DLGAP1: variants seen among roughly 807,000 people sequenced by gnomAD.
The protein encoded by DLGAP1 is disks large-associated protein 1.
DLGAP1 carries 11 observed loss-of-function variants against 90.8 expected under a neutral mutation model. The observed-to-expected ratio is 0.12, with a 90% confidence interval of 0.08 to 0.20. The LOEUF (loss-of-function observed/expected upper bound fraction) is 0.20. Among genes scored for constraint, DLGAP1 ranks in the 10% least tolerant of loss-of-function variants. The probability of loss-of-function intolerance (pLI) is 1.00; values close to 1 mark genes in which losing one functional copy is unlikely to be tolerated. For synonymous variants in DLGAP1, 558 were observed against 540.7 expected (o/e 1.03, Z -0.44); for missense variants, 1,050 against 1,333.8 (o/e 0.79, Z 3.31).
At chr18:3,567,017 G>A (rs2054465304) in intron 9 of DLGAP1, among the ~76,000 whole-genome samples, 1 of 151,976 alleles carries the variant, frequency 6.6e-6, no homozygotes, top group Non-Finnish European at 1.5e-5. Context: ...TGGTGATTCA[G>A]GATAATGACA....
chr18:3,922,935 C>T (rs887971685), intron 3 of DLGAP1, among the ~76,000 whole-genome samples: 3 of 151,944 alleles, frequency 2.0e-5, no homozygotes, highest in African/African-American at 7.3e-5. Flanking sequence ...GAGTCTGAGA[C>T]CAGCCCAGCC....
At chr18:4,321,670 T>C (rs539625210) in intron 1 of DLGAP1, among the ~76,000 whole-genome samples, 1 of 152,238 alleles carries the variant, frequency 6.6e-6, no homozygotes, top group Admixed American at 6.5e-5. Context: ...ACTAAACCAA[T>C]TCGGTTAAAT....
intron 1 of DLGAP1, among the ~76,000 whole-genome samples, chr18:4,405,822 G>T (rs8091669): frequency 0.09 from 13,723 of 152,112 alleles, 711 homozygotes; most frequent in African/African-American, 0.13. Context: ...ACTTGCTACC[G>T]GGGGAAGGTT....
chr18:4,149,802 C>G (rs2076643916), intron 2 of DLGAP1, among the ~76,000 whole-genome samples: 1 of 152,216 alleles, frequency 6.6e-6, no homozygotes, highest in Non-Finnish European at 1.5e-5. Context: ...CCCACCTCCC[C>G]ACCCTGTCCG....
intron 3 of DLGAP1, among the ~76,000 whole-genome samples, chr18:3,988,335 G>A (rs1231171067): frequency 6.6e-6 from 1 of 152,090 alleles, no homozygotes; most frequent in Non-Finnish European, 1.5e-5. Flanking sequence ...TACCACCAGA[G>A]GCAGCTTAAT....
intron 9 of DLGAP1, among the ~76,000 whole-genome samples, chr18:3,547,457 C>T (rs1040275106): frequency 6.6e-6 from 1 of 151,124 alleles, no homozygotes; most frequent in Admixed American, 6.6e-5. Context: ...AATAGGCATA[C>T]GACATGACAA....
At chr18:4,194,700 C>T (rs1385560712) in intron 1 of DLGAP1, among the ~76,000 whole-genome samples, 1 of 152,152 alleles carries the variant, frequency 6.6e-6, no homozygotes, top group Non-Finnish European at 1.5e-5. Context: ...TTATTTAACA[C>T]AATTCAAAGT....
intron 2 of DLGAP1, among the ~76,000 whole-genome samples, chr18:4,079,691 A>AATATATAT (rs10597845): frequency 8.5e-4 from 124 of 146,598 alleles, no homozygotes; most frequent in African/African-American, 2.8e-3. Context: ...ATTGAAATTA[A>AATATATAT]ATATATATAT....
chr18:4,042,133 G>C (rs767125819), intron 2 of DLGAP1, among the ~76,000 whole-genome samples: 2 of 152,116 alleles, frequency 1.3e-5, no homozygotes, highest in Admixed American at 6.6e-5. Context: ...CATTTTCTTA[G>C]AGAGTTACCA....
At chr18:4,244,304 G>T (rs1353066316) in intron 1 of DLGAP1, among the ~76,000 whole-genome samples, 1 of 152,140 alleles carries the variant, frequency 6.6e-6, no homozygotes, top group Admixed American at 6.5e-5. Flanking sequence ...TTTAACAAAT[G>T]ACTTTAGCTT....
At chr18:3,825,097 G>A (rs1317298060) in intron 4 of DLGAP1, among the ~76,000 whole-genome samples, 1 of 152,212 alleles carries the variant, frequency 6.6e-6, no homozygotes, top group Non-Finnish European at 1.5e-5. Context: ...CATGTGTACA[G>A]ATGAGTATGA....
At chr18:3,656,058 T>C (rs2270195) in intron 7 of DLGAP1, 70,640 of 1,536,814 alleles carry the variant, frequency 0.046, 3,272 homozygotes, top group African/African-American at 0.22. Context: ...CAAAACATTA[T>C]TGATTTTGTG....
intron 4 of DLGAP1, chr18:3,878,039 T>A (rs2071047633): frequency 6.6e-6 from 1 of 152,162 alleles, no homozygotes; most frequent in Non-Finnish European, 1.5e-5. Context: ...GCCAGACTTG[T>A]CAGGAGGAGT....
At chr18:4,327,114 A>G (rs1310527773) in intron 1 of DLGAP1, among the ~76,000 whole-genome samples, 9 of 152,084 alleles carry the variant, frequency 5.9e-5, no homozygotes, top group Non-Finnish European at 1.3e-4. Context: ...ATTTTCGATT[A>G]GACATAGAAA....
chr18:3,649,233 C>T (rs760930465), intron 7 of DLGAP1, among the ~76,000 whole-genome samples: 25 of 152,174 alleles, frequency 1.6e-4, no homozygotes, highest in Non-Finnish European at 3.1e-4. Flanking sequence ...TCCTCTCCTC[C>T]CCACCTTCCA....
At chr18:4,233,952 T>C (rs2078351162) in intron 1 of DLGAP1, among the ~76,000 whole-genome samples, 2 of 152,118 alleles carry the variant, frequency 1.3e-5, no homozygotes, top group Non-Finnish European at 2.9e-5. Flanking sequence ...ACATCATACG[T>C]TTTTAAAATA....
At chr18:3,763,511 C>T (rs770861976) in intron 5 of DLGAP1, among the ~76,000 whole-genome samples, 3 of 152,086 alleles carry the variant, frequency 2.0e-5, no homozygotes, top group Non-Finnish European at 4.4e-5. Context: ...TCTAGAGAAC[C>T]CTGACTAACA....
chr18:3,624,364 C>T (rs1466579017), intron 7 of DLGAP1, among the ~76,000 whole-genome samples: 1 of 152,230 alleles, frequency 6.6e-6, no homozygotes, highest in African/African-American at 2.4e-5. Context: ...GGGCCGCTGT[C>T]CCCTGACGGC....
intron 7 of DLGAP1, among the ~76,000 whole-genome samples, chr18:3,620,785 T>G (rs998179223): frequency 1.3e-5 from 2 of 152,156 alleles, no homozygotes; most frequent in Admixed American, 6.5e-5. Context: ...CTTGGACTCC[T>G]GACCTCAGGT....
Sources: allele counts gnomAD v4.1 joint callset (sites outside exome capture counted in the v4.1 genomes callset), GRCh38; gene constraint gnomAD v4.1.1; transcripts MANE v1.5; gene names NCBI Gene and HGNC (gene_info 2026-07-23, HGNC 2026-07-21).